Variants in TMEM132D observed in about 807,000 individuals in gnomAD.
The protein encoded by TMEM132D is mature OL transmembrane protein.
In TMEM132D, 21 loss-of-function variants were observed where a neutral mutation model predicts 62.3. The ratio of observed to expected loss-of-function variants is 0.34; its 90% CI spans 0.24 to 0.49. The LOEUF (loss-of-function observed/expected upper bound fraction) is 0.49, where lower values mean the gene tolerates loss of function less well. Among genes scored for constraint, TMEM132D ranks in the 20% least tolerant of loss-of-function variants. TMEM132D has a pLI of 0.99. For synonymous variants in TMEM132D, 621 were observed against 575.6 expected (o/e 1.08, Z -1.13); for missense variants, 1,346 against 1,402.8 (o/e 0.96, Z 0.65).
chr12:129,200,495 G>C (rs547176601), intron 5 of TMEM132D, among the ~76,000 whole-genome samples: 1 of 152,144 alleles, frequency 6.6e-6, no homozygotes, highest in African/African-American at 2.4e-5. Flanking sequence ...TCAGTGAGGC[G>C]GCGCAATCCC....
intron 3 of TMEM132D, among the ~76,000 whole-genome samples, chr12:129,429,428 G>A (rs950239298): frequency 3.7e-4 from 56 of 152,194 alleles, no homozygotes; most frequent in East Asian, 5.8e-4. Flanking sequence ...GGGATTTAGG[G>A]ATGACTTCTA....
chr12:129,091,408 A>G (rs1421082223), intron 5 of TMEM132D, among the ~76,000 whole-genome samples: 1 of 126,974 alleles, frequency 7.9e-6, no homozygotes, highest in African/African-American at 3.1e-5. Context: ...ATAAGCTCAC[A>G]TGGGCTCTGA....
intron 5 of TMEM132D, among the ~76,000 whole-genome samples, chr12:129,184,387 C>T (rs1409036060): frequency 6.6e-6 from 1 of 152,240 alleles, no homozygotes; most frequent in African/African-American, 2.4e-5. Context: ...TTCTCATCCA[C>T]AGGCTGTCCT....
At chr12:129,198,431 G>A (rs573055761) in intron 5 of TMEM132D, among the ~76,000 whole-genome samples, 12 of 152,038 alleles carry the variant, frequency 7.9e-5, no homozygotes, top group Non-Finnish European at 1.6e-4. Context: ...ATCAACAGAT[G>A]GATGGGTAAA....
intron 3 of TMEM132D, among the ~76,000 whole-genome samples, chr12:129,341,563 A>G (rs1053843744): frequency 6.6e-6 from 1 of 152,208 alleles, no homozygotes; most frequent in Admixed American, 6.5e-5. Context: ...ATTCCCAGAA[A>G]GTTAGGCATT....
chr12:129,860,223 T>A (rs1400620790), intron 1 of TMEM132D, among the ~76,000 whole-genome samples: 1 of 152,186 alleles, frequency 6.6e-6, no homozygotes, highest in African/African-American at 2.4e-5. Context: ...AACTTGGAAA[T>A]AAGGCAAAAC....
chr12:129,805,279 T>C (rs1170192847), intron 1 of TMEM132D, among the ~76,000 whole-genome samples: 1 of 152,122 alleles, frequency 6.6e-6, no homozygotes, highest in Non-Finnish European at 1.5e-5. Context: ...TCATGCTACC[T>C]GACTTCAAAC....
chr12:129,583,075 T>C (rs10847907), intron 2 of TMEM132D, among the ~76,000 whole-genome samples: 33,207 of 152,222 alleles, frequency 0.22, 4,254 homozygotes, highest in Non-Finnish European at 0.28. Context: ...CCCAAAGTGC[T>C]GGGATTACAG....
chr12:129,809,123 C>T (rs1011878342), intron 1 of TMEM132D, among the ~76,000 whole-genome samples: 5 of 152,026 alleles, frequency 3.3e-5, no homozygotes, highest in East Asian at 1.9e-4. Context: ...GCCTGGCCAA[C>T]GTGGTGAAAC....
chr12:129,339,266 CAA>C (rs34532510), intron 3 of TMEM132D, among the ~76,000 whole-genome samples: 8 of 102,758 alleles, frequency 7.8e-5, no homozygotes, highest in African/African-American at 1.0e-4. Flanking sequence ...AAATATGTCT[CAA>C]AAAAAAAAAA....
intron 5 of TMEM132D, among the ~76,000 whole-genome samples, chr12:129,101,810 GA>G (rs1875316644): frequency 6.6e-6 from 1 of 152,130 alleles, no homozygotes; most frequent in Non-Finnish European, 1.5e-5. Context: ...AAAATAGGAG[GA>G]AAAACACTGA....
intron 6 of TMEM132D, among the ~76,000 whole-genome samples, chr12:129,084,195 A>G (rs746255800): frequency 6.6e-6 from 1 of 152,126 alleles, no homozygotes; most frequent in Non-Finnish European, 1.5e-5. Context: ...TACAGTAACT[A>G]GATAAGGGAG....
chr12:129,216,349 T>C (rs1427052875), intron 4 of TMEM132D, among the ~76,000 whole-genome samples: 1 of 152,170 alleles, frequency 6.6e-6, no homozygotes, highest in Non-Finnish European at 1.5e-5. Context: ...GTGAGCTTAT[T>C]TGGAATCAGT....
chr12:129,826,875 A>G (rs1309898618), intron 1 of TMEM132D, among the ~76,000 whole-genome samples: 2 of 152,214 alleles, frequency 1.3e-5, no homozygotes, highest in African/African-American at 4.8e-5. Context: ...AAAAGGAAAA[A>G]AAATCAAAAC....
intron 4 of TMEM132D, among the ~76,000 whole-genome samples, chr12:129,236,104 T>TTGTGTGTGTGTGTG (rs71072452): frequency 4.1e-5 from 6 of 146,800 alleles, no homozygotes; most frequent in Non-Finnish European, 7.5e-5. Context: ...TGATGCTATT[T>TTGTGTGTGTGTGTG]TGTGTGTGTG....
intron 3 of TMEM132D, among the ~76,000 whole-genome samples, chr12:129,461,746 T>C (rs1417559530): frequency 6.6e-6 from 1 of 151,004 alleles, no homozygotes; most frequent in African/African-American, 2.4e-5. Context: ...GGTGGGTGGA[T>C]AGATGGATGG....
At chr12:129,188,479 T>C (rs113717242) in intron 5 of TMEM132D, among the ~76,000 whole-genome samples, 177 of 152,296 alleles carry the variant, frequency 1.2e-3, no homozygotes, top group African/African-American at 4.0e-3. Context: ...TTATGTAGCA[T>C]TATTGTGACA....
At chr12:129,294,675 CTG>C (rs1881525968) in intron 4 of TMEM132D, among the ~76,000 whole-genome samples, 1 of 152,230 alleles carries the variant, frequency 6.6e-6, no homozygotes, top group South Asian at 2.1e-4. Context: ...CTATCACACA[CTG>C]TATATTTCCA....
intron 1 of TMEM132D, among the ~76,000 whole-genome samples, chr12:129,789,238 T>C (rs2123071): frequency 0.93 from 140,585 of 151,862 alleles, 66,026 homozygotes; most frequent in East Asian, 1. Context: ...CCCCGAGTCC[T>C]CAAAATCCAT....
Sources: allele counts gnomAD v4.1 joint callset (sites outside exome capture counted in the v4.1 genomes callset), GRCh38; gene constraint gnomAD v4.1.1; transcripts MANE v1.5; gene names NCBI Gene and HGNC (gene_info 2026-07-23, HGNC 2026-07-21).